The following BICC1 variants were observed in gnomAD, a reference collection of about 807,000 sequenced individuals.
The protein encoded by BICC1 is BicC family RNA binding protein 1.
In BICC1, 43 loss-of-function variants were observed where a neutral mutation model predicts 111.0. The observed-to-expected ratio is 0.39, with a 90% CI of 0.30 to 0.50. BICC1 has a LOEUF of 0.50. Among genes scored for constraint, BICC1 ranks in the 20% least tolerant of loss-of-function variants. The pLI is 0.88. For missense variants in BICC1, 1,091 were observed against 1,203.2 expected (o/e 0.91, Z 1.38); for synonymous variants, 467 against 434.4 (o/e 1.07, Z -0.93).
intron 2 of BICC1, among the ~76,000 whole-genome samples, chr10:58,667,439 A>G (rs527405181): frequency 0.5 from 2,428 of 4,838 alleles, 70 homozygotes; most frequent in African/African-American, 0.51. Context: ...GGATACTCTT[A>G]TAATTCTTAG....
At position 58,789,264 on chromosome 10, in the gene BICC1, G is replaced by A. The variant is rs1843103390; in HGVS notation, c.603G>A (p.Glu201=). The change falls in exon 7 of 21, where the codon GAG becomes GAA. Residue 201 remains glutamate, a splice_region_variant and synonymous_variant. Transcript: ENST00000373886. ...GVESARVRIR[E]LLPLVLMFEL... ...GGATTCTCATCATTTCATTTTAGGA[G>A]CTGCTTCCTTTGGTGCTGATGTTTG... 1.2e-6 allele frequency: 2 copies of A among 1,612,360 alleles called. No homozygotes were observed. Among genetic ancestry groups the A allele is most frequent in the African/African-American group, 2.7e-5 (2 of 74,990 alleles).
In BICC1 at chr10:58,513,116, G is replaced by A; in HGVS notation, c.-28G>A. On this transcript the variant is annotated 5_prime_UTR_variant, in exon 1 of 21. Transcript: ENST00000373886. ...CAGCGCAGGCAGAGCGGCGGCGGCA[G>A]CGGGAGCCCGAGCGCTGCGCGCCCA... 7.2e-7 allele frequency: 1 copy of A among 1,382,170 alleles called. No individual in the cohort carries two copies. Among genetic ancestry groups the A allele is most frequent in the Non-Finnish European group, 9.3e-7 (1 of 1,071,730 alleles). The allele number at this position is 1,382,170 out of a possible 1,614,324, so 85.6% of individuals were successfully genotyped here. A position where few individuals can be genotyped will look rare whatever the true frequency, so the allele number is the denominator to read the frequency against.
intron 3 of BICC1, among the ~76,000 whole-genome samples, chr10:58,778,593 T>G (rs1323307149): frequency 6.6e-6 from 1 of 152,136 alleles, no homozygotes; most frequent in Non-Finnish European, 1.5e-5. Flanking sequence ...TCACATTGAG[T>G]AGCCTGAGGA....
intron 3 of BICC1, among the ~76,000 whole-genome samples, chr10:58,748,560 G>A (rs1368237339): frequency 1.6e-5 from 2 of 125,854 alleles, no homozygotes; most frequent in Non-Finnish European, 1.8e-5. Flanking sequence ...GACGTAGGGT[G>A]GAAAATATTA....
At chr10:58,718,182 T>G (rs1006105841) in intron 3 of BICC1, among the ~76,000 whole-genome samples, 24 of 152,150 alleles carry the variant, frequency 1.6e-4, no homozygotes, top group African/African-American at 5.1e-4. Context: ...CAACAGAAAT[T>G]TATTGCTTCC....
chr10:58,806,571 GT>G lies in BICC1; in HGVS notation c.2182-10del. ...GAGACTGTCAATAAAGGTATTTTCT[GT>G]TTCATTTTCAGGCATTTGACTATGA... On this transcript the variant is annotated splice_polypyrimidine_tract_variant and intron_variant, in intron 15 of 20. Transcript: ENST00000373886. 1 of 1,611,484 alleles carries G rather than the reference GT, an allele frequency of 6.2e-7. No individual in the cohort carries two copies. The highest frequency in any genetic ancestry group is 8.5e-7 in the Non-Finnish European group (1 of 1,177,956).
intron 3 of BICC1, among the ~76,000 whole-genome samples, chr10:58,755,217 C>G (rs959375712): frequency 4.6e-5 from 7 of 152,108 alleles, no homozygotes; most frequent in Non-Finnish European, 8.8e-5. Context: ...CCTATTTAGT[C>G]TTAAGAACTT....
intron 1 of BICC1, among the ~76,000 whole-genome samples, chr10:58,578,157 G>A (rs1212750071): frequency 6.6e-6 from 1 of 152,136 alleles, no homozygotes; most frequent in Admixed American, 6.6e-5. Context: ...CTTATGAAAA[G>A]GGCTGATTTG....
At chr10:58,745,720 T>C (rs542941961) in intron 3 of BICC1, among the ~76,000 whole-genome samples, 5 of 151,252 alleles carry the variant, frequency 3.3e-5, no homozygotes, top group Non-Finnish European at 7.4e-5. Context: ...AGGAGCCTTA[T>C]GATTACATTA....
intron 1 of BICC1, among the ~76,000 whole-genome samples, chr10:58,569,515 A>G: frequency 6.6e-6 from 1 of 152,062 alleles, no homozygotes; most frequent in Non-Finnish European, 1.5e-5. Flanking sequence ...TACATTAGGT[A>G]TTTCTCCTAA....
At chr10:58,717,973 T>C (rs1219718149) in intron 3 of BICC1, among the ~76,000 whole-genome samples, 2 of 152,174 alleles carry the variant, frequency 1.3e-5, no homozygotes, top group Non-Finnish European at 2.9e-5. Context: ...AAAAACCTCA[T>C]GTTGTCATAT....
chr10:58,732,785 C>A (rs2132565377), intron 3 of BICC1, among the ~76,000 whole-genome samples: 1 of 152,114 alleles, frequency 6.6e-6, no homozygotes, highest in South Asian at 2.1e-4. Flanking sequence ...TTGCCTCACA[C>A]ACACACACAA....
intron 3 of BICC1, among the ~76,000 whole-genome samples, chr10:58,776,458 G>T (rs1842751222): frequency 6.6e-6 from 1 of 152,206 alleles, no homozygotes; most frequent in African/African-American, 2.4e-5. Flanking sequence ...CTGGCTCTTA[G>T]AAGTTCTTGC....
At chr10:58,669,337 T>C (rs1839111906) in intron 2 of BICC1, among the ~76,000 whole-genome samples, 1 of 152,108 alleles carries the variant, frequency 6.6e-6, no homozygotes, top group Admixed American at 6.6e-5. Flanking sequence ...TGCCATTTAA[T>C]AAACTCTATG....
intron 3 of BICC1, among the ~76,000 whole-genome samples, chr10:58,735,353 T>C (rs1841434970): frequency 6.6e-6 from 1 of 152,188 alleles, no homozygotes; most frequent in South Asian, 2.1e-4. Flanking sequence ...CACCTTCCAC[T>C]GCGACATGCT....
rs1305909225 is a variant in BICC1 at position 58,820,386 on chromosome 10, C to A, written c.2712C>A (p.Phe904Leu). 1 of 1,611,218 alleles carries A rather than the reference C, an allele frequency of 6.2e-7. No homozygotes were observed. Among genetic ancestry groups the A allele is most frequent in the Admixed American group, 1.7e-5 (1 of 59,910 alleles). ...FQQQEIDLQT[F>L]LTLTDQDLKE... ...ACCCACAGATCGATCTTCAGACATT[C>A]CTCACTCTCACAGATCAGGATCTGA... is the stretch of plus-strand genomic sequence containing the variant. Residue 904 changes from phenylalanine (F) to leucine (L), a missense_variant, in exon 20 of 21, where the codon TTC becomes TTA. Phe to Leu is a conservative substitution (Grantham distance 22, BLOSUM62 0). Transcript: ENST00000373886.
chr10:58,672,558 T>G (rs2132328019), intron 2 of BICC1, among the ~76,000 whole-genome samples: 1 of 152,284 alleles, frequency 6.6e-6, no homozygotes, highest in East Asian at 1.9e-4. Flanking sequence ...ATCATTGCAC[T>G]TTGTAAATTT....
intron 5 of BICC1, among the ~76,000 whole-genome samples, chr10:58,787,962 C>T (rs981550566): frequency 1.3e-5 from 2 of 151,794 alleles, no homozygotes; most frequent in Non-Finnish European, 2.9e-5. Context: ...TGTGTACCAT[C>T]TGGTATGGAA....
At chr10:58,555,306 ATTTTTTT>A (rs61692850) in intron 1 of BICC1, among the ~76,000 whole-genome samples, 40,549 of 102,130 alleles carry the variant, frequency 0.4, 7,053 homozygotes, top group South Asian at 0.51. Context: ...GCTGTTGGAC[ATTTTTTT>A]TTTTTTTTTT....
Sources: allele counts gnomAD v4.1 joint callset (sites outside exome capture counted in the v4.1 genomes callset), GRCh38; gene constraint gnomAD v4.1.1; transcripts MANE v1.5; gene names NCBI Gene and HGNC (gene_info 2026-07-23, HGNC 2026-07-21).